Variants in PDE3A observed in about 807,000 individuals in gnomAD.
The protein encoded by PDE3A is cGMP-inhibited 3',5'-cyclic phosphodiesterase 3A.
Under a neutral mutation model 98.3 loss-of-function variants are expected in PDE3A, and 43 were observed. The observed-to-expected ratio is 0.44, with a 90% CI of 0.34 to 0.56. The LOEUF is 0.56. Ranked by LOEUF, PDE3A falls within the 20% of genes least tolerant of loss-of-function variation. The pLI is 0.01. For synonymous variants in PDE3A, 663 were observed against 567.9 expected (o/e 1.17, Z -2.38); for missense variants, 1,427 against 1,440.7 (o/e 0.99, Z 0.15).
chr12:20,638,713 C>A (rs751533810), intron 9 of PDE3A, among the ~76,000 whole-genome samples: 1 of 152,106 alleles, frequency 6.6e-6, no homozygotes, highest in Admixed American at 6.6e-5. Context: ...GGCAATGAGT[C>A]AGGAAGCATT....
chr12:20,369,416 T>G lies in PDE3A; in HGVS notation c.132T>G (p.Arg44=). 2 of 1,554,776 alleles carry G rather than the reference T, an allele frequency of 1.3e-6. No individual in the cohort carries two copies. The highest frequency in any genetic ancestry group is 1.7e-6 in the Non-Finnish European group (2 of 1,150,042). Reference sequence around the variant, plus strand: ...CATCGCCGCGGGACTCGGGCTGCCGTGGCTGCTGGGGAGACCTGGTGCTGC... The same window carrying G: ...CATCGCCGCGGGACTCGGGCTGCCGGGGCTGCTGGGGAGACCTGGTGCTGC... The part of the protein sequence containing the change: ...DPASPRDSGC[R]GCWGDLVLQP... Residue 44 remains arginine (R), a synonymous_variant, in exon 1 of 16, where the codon CGT becomes CGG. Coordinates refer to ENST00000359062, the MANE Select transcript of PDE3A (RefSeq NM_000921.5).
At chr12:20,634,133 T>C (rs777722578) in intron 7 of PDE3A, among the ~76,000 whole-genome samples, 3 of 152,168 alleles carry the variant, frequency 2.0e-5, no homozygotes, top group African/African-American at 4.8e-5. Flanking sequence ...TTTATACATG[T>C]GTATATTTTT....
At chr12:20,467,832 G>A (rs1400376914) in intron 1 of PDE3A, among the ~76,000 whole-genome samples, 1 of 150,868 alleles carries the variant, frequency 6.6e-6, no homozygotes, top group Non-Finnish European at 1.5e-5. Context: ...CTACTCAGGA[G>A]GCTGAGGCAG....
intron 15 of PDE3A, among the ~76,000 whole-genome samples, chr12:20,671,714 C>CT (rs1376942861): frequency 7.0e-6 from 1 of 142,702 alleles, no homozygotes; most frequent in Non-Finnish European, 1.5e-5. Context: ...ATAATAAGAG[C>CT]TATCTATGAC....
intron 1 of PDE3A, among the ~76,000 whole-genome samples, chr12:20,415,848 C>G (rs1591907464): frequency 6.6e-6 from 1 of 152,158 alleles, no homozygotes; most frequent in East Asian, 1.9e-4. Flanking sequence ...GAGACAGAAA[C>G]AGAGAGGCAG....
intron 1 of PDE3A, among the ~76,000 whole-genome samples, chr12:20,436,833 T>G (rs892661217): frequency 1.8e-4 from 28 of 152,182 alleles, no homozygotes; most frequent in African/African-American, 6.5e-4. Flanking sequence ...CACCCAAACC[T>G]TTTACATGTA....
At chr12:20,494,251 A>G (rs12308852) in intron 1 of PDE3A, among the ~76,000 whole-genome samples, 6,455 of 152,322 alleles carry the variant, frequency 0.042, 158 homozygotes, top group South Asian at 0.065. Context: ...TCAATTTTAT[A>G]GAGAAAAAGT....
chr12:20,657,566 A>T (rs1365973583), intron 15 of PDE3A, among the ~76,000 whole-genome samples: 1 of 152,186 alleles, frequency 6.6e-6, no homozygotes, highest in Non-Finnish European at 1.5e-5. Context: ...CCTACAGTGA[A>T]CTAAGAGGTT....
chr12:20,576,408 T>C (rs1942933645), intron 2 of PDE3A, among the ~76,000 whole-genome samples: 1 of 152,102 alleles, frequency 6.6e-6, no homozygotes, highest in Non-Finnish European at 1.5e-5. Context: ...ATCTATTGAA[T>C]GTTAGATTGG....
chr12:20,476,140 G>T (rs999083630), intron 1 of PDE3A, among the ~76,000 whole-genome samples: 2 of 152,102 alleles, frequency 1.3e-5, no homozygotes, highest in Non-Finnish European at 1.5e-5. Context: ...ATAAAAGAAA[G>T]ATTTTGTTCT....
chr12:20,455,854 T>C (rs1945143801), intron 1 of PDE3A, among the ~76,000 whole-genome samples: 1 of 152,068 alleles, frequency 6.6e-6, no homozygotes, highest in South Asian at 2.1e-4. Context: ...TCCTCTTGGG[T>C]CTACGTGAAC....
intron 1 of PDE3A, among the ~76,000 whole-genome samples, chr12:20,460,051 G>A (rs1205286154): frequency 3.9e-5 from 6 of 152,284 alleles, no homozygotes; most frequent in African/African-American, 1.4e-4. Flanking sequence ...GAAACTCTCA[G>A]GCTGGATACC....
At chr12:20,456,494 G>T (rs1945153276) in intron 1 of PDE3A, among the ~76,000 whole-genome samples, 1 of 152,040 alleles carries the variant, frequency 6.6e-6, no homozygotes, top group African/African-American at 2.4e-5. Context: ...ATTGCAGCAT[G>T]AACCAAACCC....
In PDE3A at chr12:20,687,383, G is replaced by C. The variant is rs904679477; in HGVS notation, c.*7112G>C. Among the ~76,000 whole-genome samples, 1 of 151,958 alleles carries C rather than the reference G, an allele frequency of 6.6e-6. No individual in the cohort carries two copies. The highest frequency in any genetic ancestry group is 1.5e-5 in the Non-Finnish European group (1 of 67,936). Reference sequence around the variant, plus strand: ...CCATATCTATATATTACCTGTTAGTGAGGTTTTAATGGCTTTACTTAATAC... The same window carrying C: ...CCATATCTATATATTACCTGTTAGTCAGGTTTTAATGGCTTTACTTAATAC... On this transcript the variant is annotated 3_prime_UTR_variant, in exon 16 of 16. Transcript: ENST00000359062.
chr12:20,590,513 G>A (rs11613698), intron 2 of PDE3A, among the ~76,000 whole-genome samples: 2,217 of 151,244 alleles, frequency 0.015, 24 homozygotes, highest in Admixed American at 0.026. Flanking sequence ...GGTGGCTCAC[G>A]CTTCTAATCG....
intron 1 of PDE3A, among the ~76,000 whole-genome samples, chr12:20,507,991 G>A (rs1041030177): frequency 6.6e-5 from 10 of 152,128 alleles, no homozygotes; most frequent in South Asian, 2.1e-4. Flanking sequence ...AATGGCTCCC[G>A]TGTTAGACCT....
chr12:20,497,013 C>T (rs1202091413), intron 1 of PDE3A, among the ~76,000 whole-genome samples: 1 of 152,066 alleles, frequency 6.6e-6, no homozygotes, highest in African/African-American at 2.4e-5. Context: ...AAAGTTTCAG[C>T]GTTATCTTGG....
chr12:20,503,602 C>G (rs2121091113), intron 1 of PDE3A, among the ~76,000 whole-genome samples: 1 of 151,902 alleles, frequency 6.6e-6, no homozygotes, highest in South Asian at 2.1e-4. Flanking sequence ...ATAGAGTGAT[C>G]TAATTTGAAT....
At chr12:20,506,410 A>G (rs543675279) in intron 1 of PDE3A, among the ~76,000 whole-genome samples, 36 of 152,194 alleles carry the variant, frequency 2.4e-4, no homozygotes, top group African/African-American at 8.7e-4. Context: ...TGTCCCCCAC[A>G]AACAGAGAAT....
Sources: allele counts gnomAD v4.1 joint callset (sites outside exome capture counted in the v4.1 genomes callset), GRCh38; gene constraint gnomAD v4.1.1; transcripts MANE v1.5; gene names NCBI Gene and HGNC (gene_info 2026-07-23, HGNC 2026-07-21).